CALN1: variants seen among roughly 807,000 people sequenced by gnomAD.
CALN1 encodes the protein calneuron 1, also known as calcium-binding protein 8.
Under a neutral mutation model 30.6 loss-of-function variants are expected in CALN1, and 17 were observed. That is an observed-to-expected ratio of 0.56 (90% CI 0.38 to 0.83). The LOEUF (loss-of-function observed/expected upper bound fraction) is 0.83. CALN1 is among the 40% of genes least tolerant of loss of function. The pLI is 0.00. For missense variants in CALN1, 291 were observed against 354.9 expected (o/e 0.82, Z 1.45); for synonymous variants, 156 against 131.4 (o/e 1.19, Z -1.28).
intron 3 of CALN1, among the ~76,000 whole-genome samples, chr7:72,266,034 T>C (rs559798887): frequency 6.6e-6 from 1 of 151,732 alleles, no homozygotes. Context: ...ATTGGGAGGC[T>C]GAGGTGGGAG....
chr7:72,117,080 A>G (rs1808036559), intron 3 of CALN1, among the ~76,000 whole-genome samples: 1 of 152,144 alleles, frequency 6.6e-6, no homozygotes, highest in African/African-American at 2.4e-5. Flanking sequence ...TGGGAGGCCA[A>G]GACAGGAGGA....
chr7:72,207,144 C>A (rs1434068340), intron 3 of CALN1, among the ~76,000 whole-genome samples: 3 of 152,170 alleles, frequency 2.0e-5, no homozygotes, highest in Admixed American at 2.0e-4. Context: ...ACATGACTAG[C>A]AAGGGCTCAT....
intron 2 of CALN1, among the ~76,000 whole-genome samples, chr7:72,305,151 T>C (rs948474302): frequency 2.0e-5 from 3 of 152,158 alleles, no homozygotes; most frequent in African/African-American, 7.2e-5. Context: ...GACATGTGCC[T>C]CCCATCCCAA....
intron 2 of CALN1, among the ~76,000 whole-genome samples, chr7:72,376,666 A>C (rs374609674): frequency 6.6e-6 from 1 of 151,768 alleles, no homozygotes; most frequent in Admixed American, 6.6e-5. Context: ...TTATCTTTTC[A>C]CTTTCTTGAT....
At chr7:71,997,672 G>A (rs1434467712) in intron 5 of CALN1, among the ~76,000 whole-genome samples, 1 of 151,956 alleles carries the variant, frequency 6.6e-6, no homozygotes, top group African/African-American at 2.4e-5. Context: ...ATTCTAGAAA[G>A]CATCCAGAAA....
chr7:71,790,376 G>A (rs377606119), intron 6 of CALN1, among the ~76,000 whole-genome samples: 1 of 43,632 alleles, frequency 2.3e-5, no homozygotes, highest in Non-Finnish European at 4.9e-5. Flanking sequence ...AGAAAAGAAA[G>A]AAAGAAAGAA....
intron 2 of CALN1, among the ~76,000 whole-genome samples, chr7:72,295,481 C>T (rs1294065472): frequency 6.6e-6 from 1 of 151,640 alleles, no homozygotes; most frequent in Non-Finnish European, 1.5e-5. Context: ...GATATTGATT[C>T]TTCCTACCCA....
At chr7:72,067,422 T>G (rs1804099104) in intron 4 of CALN1, among the ~76,000 whole-genome samples, 1 of 151,960 alleles carries the variant, frequency 6.6e-6, no homozygotes. Context: ...TTTTCTATTA[T>G]TATTTTTAAT....
At chr7:72,213,657 G>A (rs773583354) in intron 3 of CALN1, among the ~76,000 whole-genome samples, 37 of 152,222 alleles carry the variant, frequency 2.4e-4, no homozygotes, top group Admixed American at 3.9e-4. Context: ...AGAAAGGCAA[G>A]AGTGATGGTA....
rs34940935 is a variant in CALN1, at chr7:72,301,610, CAAAAAAAAA to C, written c.120-22809_120-22801del. Among the ~76,000 whole-genome samples, 232 of 104,314 alleles carry C rather than the reference CAAAAAAAAA, an allele frequency of 2.2e-3. 1 individual carries two copies. The highest frequency in any genetic ancestry group is 8.6e-3 in the African/African-American group (227 of 26,482). 68.4% of individuals were successfully genotyped at this position (104,314 alleles called of 152,430 possible). On this transcript the variant is annotated intron_variant, in intron 2 of 6. Transcript: ENST00000395275. ...GCGACAGAGCAAAGACTTTGTCTCT[CAAAAAAAAA>C]AAAAAAAAAAGCAAGCAGTGATCTG...
At chr7:72,295,915 TGA>T (rs1469614405) in intron 2 of CALN1, among the ~76,000 whole-genome samples, 1 of 151,854 alleles carries the variant, frequency 6.6e-6, no homozygotes, top group Non-Finnish European at 1.5e-5. Flanking sequence ...ATAGGAGTGG[TGA>T]GAGAGGGCAT....
intron 5 of CALN1, among the ~76,000 whole-genome samples, chr7:71,883,166 C>T (rs1293264061): frequency 6.6e-6 from 1 of 152,080 alleles, no homozygotes; most frequent in Non-Finnish European, 1.5e-5. Flanking sequence ...TACACATATA[C>T]ACACATGCAC....
rs149737953 is a variant in CALN1, at chr7:72,285,470, C to G, written c.120-6660G>C. 9.6e-3 allele frequency among the ~76,000 whole-genome samples: 1,456 copies of G among 152,188 alleles called. 21 individuals carry two copies. Among genetic ancestry groups the G allele is most frequent in the Middle Eastern group, 0.017 (5 of 294 alleles). The stretch of plus-strand genomic sequence containing the variant: ...GTGTTGGCCAGGATAGTCTCGATCT[C>G]CTGACCTTGTGATCTGCCCGCCTCG... On this transcript the variant is annotated intron_variant, in intron 2 of 6. Transcript: ENST00000395275.
At chr7:71,872,908 C>G (rs1380584099) in intron 5 of CALN1, among the ~76,000 whole-genome samples, 2 of 152,026 alleles carry the variant, frequency 1.3e-5, no homozygotes, top group Non-Finnish European at 1.5e-5. Flanking sequence ...GCCACGGCGC[C>G]CGGCCGTGCT....
At chr7:72,237,539 A>AG (rs972570263) in intron 3 of CALN1, among the ~76,000 whole-genome samples, 1 of 152,210 alleles carries the variant, frequency 6.6e-6, no homozygotes, top group Non-Finnish European at 1.5e-5. Flanking sequence ...AGCCACAGCG[A>AG]GGGCCAGGAG....
At chr7:72,263,991 T>C (rs1796447667) in intron 3 of CALN1, among the ~76,000 whole-genome samples, 1 of 152,142 alleles carries the variant, frequency 6.6e-6, no homozygotes, top group African/African-American at 2.4e-5. Flanking sequence ...TTAAGTGAAA[T>C]TGATGAGGGC....
In CALN1 at chr7:71,913,802, T is replaced by C. The variant is rs551736108; in HGVS notation, c.502-103310A>G. 4 of 152,386 alleles carry C rather than the reference T, an allele frequency of 2.6e-5. No homozygotes were observed. The East Asian group carries it at 5.8e-4, about 22-fold the overall frequency. 9.4% of individuals were successfully genotyped at this position (152,386 alleles called of 1,614,324 possible). ...ATGCACTAACCAGGTCTGACCCTGC[T>C]TAACTTCTGAGATCAGAAAAGATCA... On this transcript the variant is annotated intron_variant, in intron 5 of 6. Coordinates refer to ENST00000395275, the MANE Select transcript of CALN1 (RefSeq NM_031468.4).
chr7:72,029,536 T>A (rs1197382602), intron 4 of CALN1, among the ~76,000 whole-genome samples: 1 of 152,162 alleles, frequency 6.6e-6, no homozygotes, highest in Non-Finnish European at 1.5e-5. Context: ...TGGGAGATGA[T>A]CACCAGAAAC....
At chr7:72,225,079 G>A (rs1239659785) in intron 3 of CALN1, among the ~76,000 whole-genome samples, 1 of 151,402 alleles carries the variant, frequency 6.6e-6, no homozygotes, top group African/African-American at 2.4e-5. Flanking sequence ...TCTAGCCTGG[G>A]TGACACAGCG....
Sources: gnomAD v4.1 joint callset for allele counts (sites outside exome capture counted in the v4.1 genomes callset) on GRCh38, gnomAD v4.1.1 for gene constraint, MANE v1.5 for transcripts, NCBI Gene and HGNC (gene_info 2026-07-23, HGNC 2026-07-21) for gene names.